RRAGC: variants seen among roughly 807,000 people sequenced by gnomAD.
RRAGC encodes the protein ras-related GTP-binding protein C.
Under a neutral mutation model 37.1 loss-of-function variants are expected in RRAGC, and 8 were observed. The observed-to-expected ratio is 0.22, with a 90% confidence interval of 0.13 to 0.39. RRAGC has a LOEUF of 0.39. RRAGC is among the 10% of genes least tolerant of loss of function. RRAGC has a pLI of 1.00. For synonymous variants in RRAGC, 190 were observed against 181.1 expected (o/e 1.05, Z -0.39); for missense variants, 342 against 497.6 (o/e 0.69, Z 2.98).
chr1:38,840,807 G>A (rs1641954394), intron 6 of RRAGC, among the ~76,000 whole-genome samples: 1 of 152,178 alleles, frequency 6.6e-6, no homozygotes, highest in African/African-American at 2.4e-5. Context: ...GTAGGTTACA[G>A]CCAAATTAAG....
intron 5 of RRAGC, among the ~76,000 whole-genome samples, chr1:38,849,980 G>T (rs964071990): frequency 1.3e-5 from 2 of 152,102 alleles, no homozygotes; most frequent in Admixed American, 6.5e-5. Flanking sequence ...GCCACGGCGG[G>T]TGGATCACGA....
intron 1 of RRAGC, among the ~76,000 whole-genome samples, chr1:38,857,842 C>A (rs1398311698): frequency 6.6e-6 from 1 of 152,134 alleles, no homozygotes; most frequent in Admixed American, 6.5e-5. Context: ...CGCCTGTAGT[C>A]CCAGCTACTT....
rs1553154382 is a variant in RRAGC at position 38,859,726 on chromosome 1, G to GCCGCCGCCGCCA, written c.-92_-81dup. 22 of 1,136,118 alleles carry GCCGCCGCCGCCA rather than the reference G, an allele frequency of 1.9e-5. No homozygotes were observed. Among genetic ancestry groups the GCCGCCGCCGCCA allele is most frequent in the Non-Finnish European group, 2.4e-5 (22 of 901,704 alleles). The allele number at this position is 1,136,118 out of a possible 1,614,324, so 70.4% of individuals were successfully genotyped here. On this transcript the variant is annotated 5_prime_UTR_variant, in exon 1 of 7. Transcript: ENST00000373001. The stretch of plus-strand genomic sequence containing the variant: ...GCCGCCGCCTCCCCAGTCCGCCTCC[G>GCCGCCGCCGCCA]CCGCCGCCGCCACCACCGCCACCGC...
At chr1:38,842,050 A>G (rs954119125) in intron 6 of RRAGC, among the ~76,000 whole-genome samples, 21 of 152,160 alleles carry the variant, frequency 1.4e-4, no homozygotes, top group Non-Finnish European at 2.8e-4. Context: ...AGGCAGGTGG[A>G]TCACGAGGTC....
Position 38,838,885 on chromosome 1 carries a change from G to A in RRAGC, c.*668C>T, listed in dbSNP as rs562646705. ...CAGACATCTGGTACTCAGAACATAG[G>A]TGCAAAAATTTTCTTCCATTTCAAA... On this transcript the variant is annotated 3_prime_UTR_variant, in exon 7 of 7. Coordinates refer to ENST00000373001, the MANE Select transcript of RRAGC (RefSeq NM_022157.4). The A allele has an allele frequency of 6.6e-6, 1 of 152,154 alleles. No individual in the cohort carries two copies. Among genetic ancestry groups the A allele is most frequent in the Non-Finnish European group, 1.5e-5 (1 of 68,018 alleles). The allele number at this position is 152,154 out of a possible 1,614,324, so 9.4% of individuals were successfully genotyped here.
chr1:38,843,487 G>A (rs957106674), intron 6 of RRAGC, among the ~76,000 whole-genome samples: 2 of 152,104 alleles, frequency 1.3e-5, no homozygotes, highest in Admixed American at 6.6e-5. Flanking sequence ...TTGGGAGGCC[G>A]AGGCAGGCAG....
chr1:38,841,565 A>G (rs886484973), intron 6 of RRAGC, among the ~76,000 whole-genome samples: 1 of 151,872 alleles, frequency 6.6e-6, no homozygotes, highest in African/African-American at 2.4e-5. Flanking sequence ...GTGTCTTGCT[A>G]TCTTGCCCAA....
intron 3 of RRAGC, among the ~76,000 whole-genome samples, chr1:38,855,394 A>G (rs1237565741): frequency 1.3e-5 from 2 of 152,224 alleles, no homozygotes; most frequent in African/African-American, 4.8e-5. Context: ...AAAGTAATGA[A>G]ACCAAGAGGA....
At chr1:38,845,307 G>A (rs1642014880) in intron 6 of RRAGC, among the ~76,000 whole-genome samples, 1 of 152,198 alleles carries the variant, frequency 6.6e-6, no homozygotes, top group Non-Finnish European at 1.5e-5. Flanking sequence ...AAAAAAGGAT[G>A]AGTTCATGTC....
chr1:38,859,729 G>A lies in RRAGC; in HGVS notation c.-83C>T, dbSNP rs12753459. 7.9e-5 allele frequency: 93 copies of A among 1,175,040 alleles called. No individual in the cohort carries two copies. The highest frequency in any genetic ancestry group is 9.4e-5 in the Non-Finnish European group (88 of 935,492). The allele number at this position is 1,175,040 out of a possible 1,614,324, so 72.8% of individuals were successfully genotyped here. A position where few individuals can be genotyped will look rare whatever the true frequency, so the allele number is the denominator to read the frequency against. On this transcript the variant is annotated 5_prime_UTR_variant, in exon 1 of 7. Transcript: ENST00000373001. ...GCCGCCTCCCCAGTCCGCCTCCGCCGCCGCCGCCACCACCGCCACCGCCCC... is the reference window on the plus strand; with the variant it reads ...GCCGCCTCCCCAGTCCGCCTCCGCCACCGCCGCCACCACCGCCACCGCCCC...
At chr1:38,856,743 T>G (rs1406634750) in intron 2 of RRAGC, 136 bp downstream of exon 2, 1 of 742,576 alleles carries the variant, frequency 1.3e-6, no homozygotes, top group African/African-American at 1.8e-5. Flanking sequence ...ACTCTGCAAC[T>G]GCATCTCTTA....
At chr1:38,850,203 T>A (rs12240263) in intron 5 of RRAGC, among the ~76,000 whole-genome samples, 1,890 of 150,538 alleles carry the variant, frequency 0.013, 59 homozygotes, top group African/African-American at 0.044. Flanking sequence ...GAGACTCTTT[T>A]TCAAAAAACA....
intron 5 of RRAGC, 123 bp downstream of exon 5, chr1:38,851,492 T>A: frequency 1.2e-6 from 1 of 833,864 alleles, no homozygotes; most frequent in South Asian, 2.7e-5. Flanking sequence ...AGCACTATGG[T>A]CAGAACAATC....
intron 1 of RRAGC, among the ~76,000 whole-genome samples, chr1:38,857,298 A>T (rs1423191052): frequency 3.3e-5 from 5 of 152,210 alleles, no homozygotes; most frequent in African/African-American, 1.2e-4. Flanking sequence ...TTTGGAGCTA[A>T]ATCTTTTCTC....
chr1:38,849,581 G>A (rs1034451398), intron 5 of RRAGC, among the ~76,000 whole-genome samples: 22 of 151,886 alleles, frequency 1.4e-4, no homozygotes, highest in African/African-American at 4.8e-4. Context: ...CCAGCTACTC[G>A]GGAGGCTGAG....
chr1:38,856,397 T>G (rs1337888813), intron 2 of RRAGC, among the ~76,000 whole-genome samples: 2 of 152,210 alleles, frequency 1.3e-5, no homozygotes, highest in Non-Finnish European at 2.9e-5. Context: ...AAAAGTAAGC[T>G]TCTTAAAGGA....
chr1:38,842,320 G>C (rs1267716772), intron 6 of RRAGC, among the ~76,000 whole-genome samples: 2 of 152,094 alleles, frequency 1.3e-5, no homozygotes, highest in African/African-American at 4.8e-5. Context: ...ATAAGGAACT[G>C]CTAAGAATCA....
At chr1:38,856,044 T>A in intron 2 of RRAGC, 137 bp from the exon 3 acceptor site, 1 of 541,816 alleles carries the variant, frequency 1.8e-6, no homozygotes, top group Non-Finnish European at 3.2e-6. Flanking sequence ...CATTCAAATA[T>A]ACTATACTAC....
intron 6 of RRAGC, 149 bp from the exon 7 acceptor site, chr1:38,839,853 C>A: frequency 3.8e-6 from 3 of 790,534 alleles, no homozygotes; most frequent in Non-Finnish European, 6.0e-6. Context: ...ATCGTAAGAA[C>A]AGCTGGTCAT....
Sources: gnomAD v4.1 joint callset for allele counts (sites outside exome capture counted in the v4.1 genomes callset) on GRCh38, gnomAD v4.1.1 for gene constraint, MANE v1.5 for transcripts, NCBI Gene and HGNC (gene_info 2026-07-23, HGNC 2026-07-21) for gene names.